ABCA12: variants seen among roughly 807,000 people sequenced by gnomAD.
ABCA12 encodes the protein ATP binding cassette subfamily A member 12, also known as glucosylceramide transporter ABCA12.
ABCA12 carries 156 observed loss-of-function variants against 293.5 expected under a neutral mutation model. The observed-to-expected ratio is 0.53, with a 90% CI of 0.47 to 0.61. The LOEUF is 0.61. Among genes scored for constraint, ABCA12 ranks in the 20% least tolerant of loss-of-function variants. The pLI, the probability that ABCA12 is intolerant of heterozygous loss-of-function variation, is 0.00. For synonymous variants in ABCA12, 1,063 were observed against 1,108.0 expected, an observed-to-expected ratio of 0.96 and a Z score of 0.81; for missense variants, 2,797 against 3,090.2, an observed-to-expected ratio of 0.91 and a Z score of 2.25.
intron 28 of ABCA12, among the ~76,000 whole-genome samples, chr2:214,985,015 G>A (rs895631333): frequency 1.3e-5 from 2 of 152,232 alleles, no homozygotes; most frequent in African/African-American, 4.8e-5. Flanking sequence ...GAAAGGTCCT[G>A]TTTTCTAAGC....
chr2:215,072,302 T>C (rs1408238588), intron 2 of ABCA12, among the ~76,000 whole-genome samples: 2 of 152,076 alleles, frequency 1.3e-5, no homozygotes, highest in African/African-American at 2.4e-5. Flanking sequence ...AGTGTCCCTA[T>C]GGATAGGACA....
intron 2 of ABCA12, among the ~76,000 whole-genome samples, chr2:215,086,458 G>T: frequency 6.6e-6 from 1 of 152,276 alleles, no homozygotes; most frequent in Middle Eastern, 3.4e-3. Flanking sequence ...AGCATGAGGG[G>T]TGTTGGAAGT....
chr2:214,968,650 G>A, intron 38 of ABCA12, 70 bp downstream of exon 38: 1 of 1,494,650 alleles, frequency 6.7e-7, no homozygotes, highest in Middle Eastern at 1.8e-4. Flanking sequence ...TTCACTTCAT[G>A]AAAATGATTA....
At chr2:215,074,813 G>A (rs1162805827) in intron 2 of ABCA12, among the ~76,000 whole-genome samples, 4 of 151,834 alleles carry the variant, frequency 2.6e-5, no homozygotes, top group Admixed American at 1.3e-4. Flanking sequence ...GTGGTGGTGC[G>A]TGCCTGTAGT....
At chr2:215,099,521 C>T (rs1261287781) in intron 2 of ABCA12, among the ~76,000 whole-genome samples, 1 of 152,012 alleles carries the variant, frequency 6.6e-6, no homozygotes, top group East Asian at 1.9e-4. Context: ...GGTGAAACCC[C>T]GTCTCTACTA....
chr2:215,051,926 A>G (rs1209501635), intron 5 of ABCA12, among the ~76,000 whole-genome samples: 1 of 152,120 alleles, frequency 6.6e-6, no homozygotes, highest in Non-Finnish European at 1.5e-5. Flanking sequence ...ACACTCACAC[A>G]CACATTTAGC....
intron 14 of ABCA12, among the ~76,000 whole-genome samples, chr2:215,016,349 C>T (rs367706458): frequency 4.0e-5 from 6 of 149,624 alleles, no homozygotes; most frequent in African/African-American, 7.4e-5. Flanking sequence ...TTTGGGAGGC[C>T]GAGGCAGGCG....
intron 3 of ABCA12, among the ~76,000 whole-genome samples, chr2:215,061,429 G>A (rs1244288610): frequency 6.6e-6 from 1 of 152,016 alleles, no homozygotes; most frequent in Non-Finnish European, 1.5e-5. Flanking sequence ...GAGACCAAAG[G>A]TGGCATTTTT....
chr2:214,958,960 G>T, intron 40 of ABCA12, 64 bp downstream of exon 40: 1 of 1,447,874 alleles, frequency 6.9e-7, no homozygotes, highest in Non-Finnish European at 9.7e-7. Flanking sequence ...TCCAATTACA[G>T]CACTTTATAC....
intron 42 of ABCA12, 23 bp downstream of exon 42, chr2:214,956,640 T>A (rs750805009): frequency 6.5e-7 from 1 of 1,528,700 alleles, no homozygotes; most frequent in Non-Finnish European, 9.1e-7. Flanking sequence ...AATTCTTCTT[T>A]CATTGCTTAA....
chr2:215,112,042 GAC>G (rs751030919), intron 1 of ABCA12, among the ~76,000 whole-genome samples: 2 of 152,040 alleles, frequency 1.3e-5, no homozygotes, highest in Non-Finnish European at 2.9e-5. Flanking sequence ...TATTGGATAA[GAC>G]ACAATGTTCT....
At position 214,955,267 on chromosome 2, in the gene ABCA12, C is replaced by CA. The variant is rs1204636023; in HGVS notation, c.6327dup (p.Gly2110TrpfsTer3). The CA allele has an allele frequency of 6.2e-7, 1 of 1,613,874 alleles. No individual in the cohort carries two copies. Among genetic ancestry groups the CA allele is most frequent in the East Asian group, 2.2e-5 (1 of 44,856 alleles). ...GACAGGGAAACAATGGAATTAATGC[C>CA]AAAAAACAAGTTGACACAGACGTAA... On this transcript the variant is annotated frameshift_variant, in exon 43 of 53. Transcript: ENST00000272895. LOFTEE classifies it high-confidence loss of function.
At chr2:215,136,234 G>A (rs959454624) in intron 1 of ABCA12, among the ~76,000 whole-genome samples, 14 of 152,266 alleles carry the variant, frequency 9.2e-5, no homozygotes, top group African/African-American at 3.1e-4. Flanking sequence ...TTGACTAGAT[G>A]GGAATAATGC....
chr2:215,127,527 C>T (rs1187548846), intron 1 of ABCA12, among the ~76,000 whole-genome samples: 2 of 152,148 alleles, frequency 1.3e-5, no homozygotes, highest in Non-Finnish European at 2.9e-5. Flanking sequence ...TTGGACAAGG[C>T]CTTTTACCAT....
At chr2:214,976,760 T>C (rs762479881) in intron 33 of ABCA12, among the ~76,000 whole-genome samples, 2 of 152,200 alleles carry the variant, frequency 1.3e-5, no homozygotes, top group Non-Finnish European at 2.9e-5. Context: ...AATGCTTTTC[T>C]AGTGCTGAGA....
intron 6 of ABCA12, among the ~76,000 whole-genome samples, chr2:215,048,279 A>G (rs889996880): frequency 3.9e-5 from 6 of 152,236 alleles, no homozygotes; most frequent in Admixed American, 3.9e-4. Context: ...AGACCTAAAA[A>G]CAGAGCTACC....
intron 13 of ABCA12, among the ~76,000 whole-genome samples, chr2:215,018,399 A>T (rs1483316567): frequency 6.6e-6 from 1 of 152,246 alleles, no homozygotes; most frequent in East Asian, 1.9e-4. Context: ...GGTTTATTTA[A>T]GGAAAATATG....
intron 2 of ABCA12, among the ~76,000 whole-genome samples, chr2:215,105,821 T>C (rs1702453410): frequency 6.6e-6 from 1 of 152,100 alleles, no homozygotes; most frequent in Non-Finnish European, 1.5e-5. Flanking sequence ...GTTTCTAACC[T>C]GAAAGACTAA....
intron 28 of ABCA12, among the ~76,000 whole-genome samples, chr2:214,984,697 A>T (rs1699749372): frequency 6.6e-6 from 1 of 152,134 alleles, no homozygotes; most frequent in Admixed American, 6.6e-5. Flanking sequence ...CACTGGTTGC[A>T]CGAGACTGGA....
Sources: allele counts gnomAD v4.1 joint callset (sites outside exome capture counted in the v4.1 genomes callset), GRCh38; gene constraint gnomAD v4.1.1; transcripts MANE v1.5; gene names NCBI Gene and HGNC (gene_info 2026-07-23, HGNC 2026-07-21).